The following C12orf42 variants were observed in gnomAD, a reference collection of about 807,000 sequenced individuals.
C12orf42 encodes the protein chromosome 12 open reading frame 42, also known as uncharacterized protein C12orf42.
C12orf42 carries 25 observed loss-of-function variants against 21.6 expected under a neutral mutation model. The ratio of observed to expected loss-of-function variants is 1.16; its 90% confidence interval spans 0.84 to 1.62. The LOEUF (loss-of-function observed/expected upper bound fraction) is 1.62. Ranked by LOEUF, C12orf42 falls within the 40% of genes most tolerant of loss-of-function variation. The pLI is 0.00. For missense variants in C12orf42, 483 were observed against 459.3 expected (o/e 1.05, Z -0.47); for synonymous variants, 174 against 175.0 (o/e 0.99, Z 0.05).
At chr12:103,552,810 C>G in the C12orf42 span, among the ~76,000 whole-genome samples, 3 of 152,128 alleles carry the variant, frequency 2.0e-5, no homozygotes, top group Admixed American at 6.5e-5. Context: ...CATTGACTCA[C>G]AGTTCCACAT....
the C12orf42 span, among the ~76,000 whole-genome samples, chr12:103,205,568 G>C: frequency 6.6e-6 from 1 of 152,134 alleles, no homozygotes; most frequent in Non-Finnish European, 1.5e-5. Flanking sequence ...GATGAGATTT[G>C]GGTGGGGGCA....
intron 2 of C12orf42, chr12:103,431,416 CT>C (rs1950255773): frequency 6.6e-6 from 1 of 152,206 alleles, no homozygotes. Context: ...TTATAAAACA[CT>C]TTCCTATATG....
intron 3 of C12orf42, among the ~76,000 whole-genome samples, chr12:103,370,848 A>C (rs1385810820): frequency 2.0e-5 from 3 of 152,130 alleles, no homozygotes; most frequent in Admixed American, 6.6e-5. Context: ...TTCACCATAT[A>C]ACAAACCTGC....
chr12:103,278,197 T>TG lies in C12orf42; in HGVS notation n.338-988dup, dbSNP rs1240707163. ...AACAAATATGGTGTGGGAGCAACAA[T>TG]GGGGGGGCTATGTCTACCAGATGTT... On this transcript the variant is annotated intron_variant and non_coding_transcript_variant, in intron 4 of 6. Coordinates refer to the C12orf42 transcript ENST00000546526. Among the ~76,000 whole-genome samples the TG allele has an allele frequency of 5.3e-5, 8 of 152,034 alleles. No individual in the cohort carries two copies. The East Asian group carries it at 1.2e-3, about 22-fold the overall frequency.
intron 2 of C12orf42, among the ~76,000 whole-genome samples, chr12:103,426,391 T>C (rs972445695): frequency 2.6e-5 from 4 of 151,994 alleles, no homozygotes; most frequent in African/African-American, 7.2e-5. Flanking sequence ...TGAAATAAAG[T>C]GTGAAAACAA....
the C12orf42 span, among the ~76,000 whole-genome samples, chr12:103,147,623 C>CTTTTTTTTTT: frequency 1.2e-4 from 12 of 99,312 alleles, no homozygotes; most frequent in East Asian, 2.9e-4. Context: ...TTCTCTCTCT[C>CTTTTTTTTTT]TTTTTTTTTT....
the C12orf42 span, among the ~76,000 whole-genome samples, chr12:103,105,243 A>T: frequency 6.6e-6 from 1 of 152,312 alleles, no homozygotes; most frequent in African/African-American, 2.4e-5. Flanking sequence ...GAATCAGCAG[A>T]CACAATAAAG....
the C12orf42 span, among the ~76,000 whole-genome samples, chr12:103,067,078 C>A: frequency 1.3e-5 from 2 of 152,312 alleles, no homozygotes; most frequent in Non-Finnish European, 2.9e-5. Flanking sequence ...AACACTGAGC[C>A]CTCAACATGG....
the C12orf42 span, among the ~76,000 whole-genome samples, chr12:103,095,126 A>G: frequency 1.3e-5 from 2 of 152,278 alleles, no homozygotes; most frequent in African/African-American, 2.4e-5. Context: ...TATCACCTGG[A>G]TTATGGTAAT....
At position 103,308,648 on chromosome 12, in the gene C12orf42, C is replaced by A. The variant is rs12300280; in HGVS notation, c.260-2303G>T. Among the ~76,000 whole-genome samples the A allele has an allele frequency of 4.1e-3, 623 of 152,232 alleles. 4 individuals carry two copies. Among genetic ancestry groups the A allele is most frequent in the African/African-American group, 0.012 (517 of 41,526 alleles). ...CAGACTTGTCTGGACAAATAAAGGG[C>A]AATTTGCAGGAAGGCATTGGGCCTG... On this transcript the variant is annotated intron_variant, in intron 4 of 5. Coordinates refer to ENST00000548883, the MANE Select transcript of C12orf42 (RefSeq NM_198521.5).
At chr12:103,339,140 C>T (rs1410795590) in intron 4 of C12orf42, among the ~76,000 whole-genome samples, 2 of 152,156 alleles carry the variant, frequency 1.3e-5, no homozygotes, top group African/African-American at 4.8e-5. Flanking sequence ...ATATTATTTG[C>T]ATTTGGGCTC....
chr12:103,533,367 A>G, the C12orf42 span, among the ~76,000 whole-genome samples: 2 of 152,278 alleles, frequency 1.3e-5, no homozygotes, highest in South Asian at 2.1e-4. Flanking sequence ...AGTATCTTCA[A>G]CAGCTACTGT....
At position 103,455,818 on chromosome 12, in the gene C12orf42, C is replaced by T. The variant is rs941779249; in HGVS notation, c.78+22531G>A. Among the ~76,000 whole-genome samples, 37 of 152,260 alleles carry T rather than the reference C, an allele frequency of 2.4e-4. 1 individual carries two copies. Among genetic ancestry groups the T allele is most frequent in the African/African-American group, 8.7e-4 (36 of 41,566 alleles). Reference sequence around the variant, plus strand: ...ACATTTGCTTGTTTTCTACTCAAAACAACCACTTATACAATATTCCTTTTT... The same window carrying T: ...ACATTTGCTTGTTTTCTACTCAAAATAACCACTTATACAATATTCCTTTTT... On this transcript the variant is annotated intron_variant, in intron 2 of 5. Transcript: ENST00000548883.
intron 2 of C12orf42, among the ~76,000 whole-genome samples, chr12:103,433,011 C>A (rs140009119): frequency 6.6e-6 from 1 of 152,116 alleles, no homozygotes. Flanking sequence ...AAAAGCAACC[C>A]GAAGCACAGG....
At chr12:103,514,919 GC>G in the C12orf42 span, among the ~76,000 whole-genome samples, 2 of 152,086 alleles carry the variant, frequency 1.3e-5, no homozygotes, top group African/African-American at 2.4e-5. Flanking sequence ...AGACCATTTT[GC>G]CCCCTACCCT....
At chr12:103,148,757 C>T in the C12orf42 span, among the ~76,000 whole-genome samples, 2 of 151,980 alleles carry the variant, frequency 1.3e-5, no homozygotes, top group Non-Finnish European at 2.9e-5. Context: ...TTACTTAATC[C>T]ATGTGGAAAG....
intron 3 of C12orf42, among the ~76,000 whole-genome samples, chr12:103,395,405 C>T (rs548393159): frequency 2.6e-5 from 4 of 151,194 alleles, no homozygotes; most frequent in South Asian, 2.1e-4. Context: ...GGGTGATCTC[C>T]GCTCACCGCA....
rs1366614792 is a variant in C12orf42 at position 103,356,018 on chromosome 12, G to A, written c.259+12869C>T. Reference sequence around the variant, plus strand: ...ATCATGATCCTCATTTTAACTCAAGGTAAGTAAAGTGCAGAGACATTAAGC... The same window carrying A: ...ATCATGATCCTCATTTTAACTCAAGATAAGTAAAGTGCAGAGACATTAAGC... On this transcript the variant is annotated intron_variant, in intron 4 of 5. Transcript: ENST00000548883. Among the ~76,000 whole-genome samples the A allele has an allele frequency of 4.6e-5, 7 of 152,022 alleles. 1 individual carries two copies. The highest frequency in any genetic ancestry group is 1.0e-4 in the Non-Finnish European group (7 of 67,992).
chr12:103,493,722 CAA>C (rs34431365), intron 1 of C12orf42, among the ~76,000 whole-genome samples: 3,226 of 103,688 alleles, frequency 0.031, 170 homozygotes, highest in East Asian at 0.31. Flanking sequence ...AAAGGGGAGA[CAA>C]AAAAAAAAAA....
Sources: allele counts gnomAD v4.1 joint callset (sites outside exome capture counted in the v4.1 genomes callset), GRCh38; gene constraint gnomAD v4.1.1; transcripts MANE v1.5; gene names NCBI Gene and HGNC (gene_info 2026-07-23, HGNC 2026-07-21).